The following CCBE1 variants were observed in gnomAD, a reference collection of about 807,000 sequenced individuals.
The protein encoded by CCBE1 is collagen and calcium-binding EGF domain-containing protein 1.
CCBE1 carries 37 observed loss-of-function variants against 50.0 expected under a neutral mutation model. The observed-to-expected ratio is 0.74, with a 90% CI of 0.57 to 0.97. The LOEUF (loss-of-function observed/expected upper bound fraction) is 0.97, where lower values mean the gene tolerates loss of function less well. Ranked by LOEUF, CCBE1 falls within the 50% of genes least tolerant of loss-of-function variation. The probability of loss-of-function intolerance (pLI) is 0.00; values close to 1 mark genes in which losing one functional copy is unlikely to be tolerated. For missense variants in CCBE1, 538 were observed against 523.8 expected, an observed-to-expected ratio of 1.03 and a Z score of -0.26; for synonymous variants, 234 against 203.7, an observed-to-expected ratio of 1.15 and a Z score of -1.27.
chr18:59,466,661 TATAAACCCCCAAACTGGTTATATATATA>T, intron 5 of CCBE1, 50 bp downstream of exon 5: 1 of 892,302 alleles, frequency 1.1e-6, no homozygotes, highest in Non-Finnish European at 1.6e-6. Context: ...CTATATAATA[TATAAACCCCCAAACTGGTTATATATATA>T]ATATATAAAA....
chr18:59,657,922 T>C (rs1347904138), intron 2 of CCBE1, among the ~76,000 whole-genome samples: 1 of 151,746 alleles, frequency 6.6e-6, no homozygotes, highest in Non-Finnish European at 1.5e-5. Context: ...ACAGATACAT[T>C]AAAGGCTCTT....
At chr18:59,606,706 G>A (rs907884956) in intron 2 of CCBE1, among the ~76,000 whole-genome samples, 1 of 151,274 alleles carries the variant, frequency 6.6e-6, no homozygotes, top group African/African-American at 2.4e-5. Flanking sequence ...GTTTTAGAAG[G>A]AAAAAAAACA....
intron 2 of CCBE1, among the ~76,000 whole-genome samples, chr18:59,581,151 A>G (rs2053078322): frequency 6.6e-6 from 1 of 152,152 alleles, no homozygotes; most frequent in Non-Finnish European, 1.5e-5. Flanking sequence ...ACAATGTTCA[A>G]GGCACTCCCA....
chr18:59,582,704 C>A (rs974301281), intron 2 of CCBE1, among the ~76,000 whole-genome samples: 12 of 152,222 alleles, frequency 7.9e-5, no homozygotes, highest in Admixed American at 3.9e-4. Context: ...CAGTTACTAT[C>A]TACCCTGCTC....
At chr18:59,449,809 T>G (rs181025233) in intron 6 of CCBE1, among the ~76,000 whole-genome samples, 2 of 152,188 alleles carry the variant, frequency 1.3e-5, no homozygotes, top group Admixed American at 6.5e-5. Context: ...TGCACACAGA[T>G]GGGCTCCAGA....
chr18:59,488,290 A>T (rs1238629588), intron 2 of CCBE1, among the ~76,000 whole-genome samples: 1 of 152,184 alleles, frequency 6.6e-6, no homozygotes, highest in Non-Finnish European at 1.5e-5. Flanking sequence ...GAACAATGTG[A>T]AAGTATTTAA....
intron 5 of CCBE1, among the ~76,000 whole-genome samples, chr18:59,458,131 TCC>T (rs1911283874): frequency 6.6e-6 from 1 of 151,284 alleles, no homozygotes; most frequent in Non-Finnish European, 1.5e-5. Flanking sequence ...AATCCATCCA[TCC>T]ATCCATCCAT....
In CCBE1 at chr18:59,546,282, C is replaced by T. The variant is rs568301748; in HGVS notation, c.213-66044G>A. Among the ~76,000 whole-genome samples, 577 of 152,294 alleles carry T rather than the reference C, an allele frequency of 3.8e-3. 4 individuals carry two copies. The highest frequency in any genetic ancestry group is 5.6e-3 in the Non-Finnish European group (381 of 68,030). ...CCATTTCATCAATAAACTGCCTGTTCGTATCTGTAGTAGACTGTTACACGG... is the reference window on the plus strand; with the variant it reads ...CCATTTCATCAATAAACTGCCTGTTTGTATCTGTAGTAGACTGTTACACGG... On this transcript the variant is annotated intron_variant, in intron 2 of 10. Coordinates refer to ENST00000439986, the MANE Select transcript of CCBE1 (RefSeq NM_133459.4).
chr18:59,640,681 C>CGGCT (rs551830724), intron 2 of CCBE1, among the ~76,000 whole-genome samples: 4 of 152,120 alleles, frequency 2.6e-5, no homozygotes, highest in Non-Finnish European at 4.4e-5. Flanking sequence ...AGAGCAAAAG[C>CGGCT]GGCTATCAAC....
At chr18:59,534,145 GCT>G (rs1915155448) in intron 2 of CCBE1, among the ~76,000 whole-genome samples, 1 of 152,152 alleles carries the variant, frequency 6.6e-6, no homozygotes, top group Non-Finnish European at 1.5e-5. Flanking sequence ...GATAATGTTG[GCT>G]AATGATAAAT....
At chr18:59,583,654 C>CATGTGTGT (rs1360278189) in intron 2 of CCBE1, among the ~76,000 whole-genome samples, 1 of 142,106 alleles carries the variant, frequency 7.0e-6, no homozygotes, top group African/African-American at 2.6e-5. Flanking sequence ...CACTGCTTTG[C>CATGTGTGT]GTGTGTGTGT....
At chr18:59,697,082 CCTT>C in intron 1 of CCBE1, 127 bp downstream of exon 1, 1 of 1,291,572 alleles carries the variant, frequency 7.7e-7, no homozygotes, top group Non-Finnish European at 1.1e-6. Context: ...TGAGCACTCT[CCTT>C]ATCCCCGGAG....
At chr18:59,524,698 A>G (rs1243534931) in intron 2 of CCBE1, among the ~76,000 whole-genome samples, 1 of 152,170 alleles carries the variant, frequency 6.6e-6, no homozygotes, top group Non-Finnish European at 1.5e-5. Flanking sequence ...CTATTAACCC[A>G]TCACCTAGGT....
intron 2 of CCBE1, among the ~76,000 whole-genome samples, chr18:59,560,762 A>T (rs911393040): frequency 2.0e-5 from 3 of 152,166 alleles, no homozygotes; most frequent in African/African-American, 7.2e-5. Context: ...TACAGTTGTC[A>T]CGTGGACAAC....
At chr18:59,552,391 C>T (rs916250404) in intron 2 of CCBE1, among the ~76,000 whole-genome samples, 3 of 152,156 alleles carry the variant, frequency 2.0e-5, no homozygotes, top group African/African-American at 7.2e-5. Context: ...AGTTCATGAA[C>T]TTATATGGGG....
intron 2 of CCBE1, among the ~76,000 whole-genome samples, chr18:59,481,780 T>C (rs1229134622): frequency 6.6e-6 from 1 of 152,114 alleles, no homozygotes; most frequent in Non-Finnish European, 1.5e-5. Context: ...TAAAAATTCA[T>C]TACCAGCAGA....
intron 2 of CCBE1, among the ~76,000 whole-genome samples, chr18:59,596,801 G>C (rs575246229): frequency 3.3e-4 from 50 of 152,328 alleles, no homozygotes; most frequent in South Asian, 1.2e-3. Flanking sequence ...GACTTCTGAG[G>C]GGGCTAATGA....
chr18:59,466,969 C>G, intron 4 of CCBE1, 78 bp from the exon 5 acceptor site: 6 of 1,303,582 alleles, frequency 4.6e-6, no homozygotes, highest in Non-Finnish European at 5.5e-6. Flanking sequence ...TGGGCTTTGC[C>G]TCTCTGTTAA....
chr18:59,549,622 C>T (rs1044088272), intron 2 of CCBE1, among the ~76,000 whole-genome samples: 3 of 152,160 alleles, frequency 2.0e-5, no homozygotes, highest in Non-Finnish European at 2.9e-5. Context: ...GAGCAACTGT[C>T]AGGAGGGAGA....
Sources: allele counts gnomAD v4.1 joint callset (sites outside exome capture counted in the v4.1 genomes callset), GRCh38; gene constraint gnomAD v4.1.1; transcripts MANE v1.5; gene names NCBI Gene and HGNC (gene_info 2026-07-23, HGNC 2026-07-21).